The following TM9SF3 variants were observed in gnomAD, a reference collection of about 807,000 sequenced individuals.
The protein encoded by TM9SF3 is SM-11044-binding protein.
Under a neutral mutation model 78.6 loss-of-function variants are expected in TM9SF3, and 14 were observed. The ratio of observed to expected loss-of-function variants is 0.18; its 90% CI spans 0.12 to 0.28. The LOEUF is 0.28. Among genes scored for constraint, TM9SF3 ranks in the 10% least tolerant of loss-of-function variants. TM9SF3 has a pLI of 1.00. For synonymous variants in TM9SF3, 231 were observed against 241.7 expected, an observed-to-expected ratio of 0.96 and a Z score of 0.41; for missense variants, 496 against 721.9, an observed-to-expected ratio of 0.69 and a Z score of 3.59.
intron 4 of TM9SF3, chr10:96,560,036 A>G (rs1332629244): frequency 1.7e-6 from 1 of 574,014 alleles, no homozygotes; most frequent in African/African-American, 1.9e-5. Flanking sequence ...CTGAATTAGT[A>G]TAAGCTCATA....
At chr10:96,561,956 A>T (rs1848313138) in intron 4 of TM9SF3, 22 bp downstream of exon 4, 7 of 1,594,216 alleles carry the variant, frequency 4.4e-6, no homozygotes, top group Non-Finnish European at 6.0e-6. Context: ...TACTTCCTAC[A>T]TTAAACTATT....
chr10:96,527,367 C>G, intron 13 of TM9SF3, 46 bp downstream of exon 13: 3 of 1,588,902 alleles, frequency 1.9e-6, no homozygotes, highest in Middle Eastern at 1.7e-4. Context: ...ATTTAAAGGA[C>G]AAATTTAGTT....
rs573818317 is a variant in TM9SF3 at position 96,586,726 on chromosome 10, C to T, written c.102+8G>A. ...CCCGGGGCGGCCGCGCCGGCCGGGG[C>T]GCCTCACCGTGTGTTCGTGCTCGTC... On this transcript the variant is annotated splice_region_variant and intron_variant, in intron 1 of 14. Transcript: ENST00000371142. 80 of 1,226,072 alleles carry T rather than the reference C, an allele frequency of 6.5e-5. No individual in the cohort carries two copies. The African/African-American group carries it at 1.2e-3, about 18-fold the overall frequency. The allele number at this position is 1,226,072 out of a possible 1,614,324, so 75.9% of individuals were successfully genotyped here. A position where few individuals can be genotyped will look rare whatever the true frequency, so the allele number is the denominator to read the frequency against.
Position 96,544,151 on chromosome 10 carries a change from C to T in TM9SF3, c.1110G>A (p.Val370=), listed in dbSNP as rs781765323. The part of the protein sequence containing the change: ...FIGAFLIPAM[V]CGTAFFINFI... ...AATTGATGAAGAAGGCAGTGCCACA[C>T]ACCATAGCTGGGATAAGGAATGCCC... Residue 370 remains valine, a synonymous_variant, in exon 9 of 15, where the codon GTG becomes GTA. Transcript: ENST00000371142. 7 of 1,613,258 alleles carry T rather than the reference C, an allele frequency of 4.3e-6. No individual in the cohort carries two copies. The highest frequency in any genetic ancestry group is 5.9e-6 in the Non-Finnish European group (7 of 1,179,616).
chr10:96,522,185 C>A lies in TM9SF3; in HGVS notation c.*78G>T. ...GTGTTAAAGCCCAAATCTCTTCTTG[C>A]GTTTGTTTGTTTTTGCTGTGCAAGT... On this transcript the variant is annotated 3_prime_UTR_variant, in exon 15 of 15. Coordinates refer to ENST00000371142, the MANE Select transcript of TM9SF3 (RefSeq NM_020123.4). The A allele has an allele frequency of 8.1e-7, 1 of 1,241,020 alleles. No homozygotes were observed. Among genetic ancestry groups the A allele is most frequent in the Non-Finnish European group, 1.1e-6 (1 of 873,532 alleles). The allele number at this position is 1,241,020 out of a possible 1,614,324, so 76.9% of individuals were successfully genotyped here. A position where few individuals can be genotyped will look rare whatever the true frequency, so the allele number is the denominator to read the frequency against.
chr10:96,576,485 C>T, intron 2 of TM9SF3, 149 bp downstream of exon 2: 1 of 655,908 alleles, frequency 1.5e-6, no homozygotes, highest in Non-Finnish European at 2.3e-6. Context: ...CTGGGGGGTA[C>T]AGGCCAGGGA....
intron 14 of TM9SF3, among the ~76,000 whole-genome samples, chr10:96,523,170 G>A (rs758816010): frequency 5.9e-5 from 9 of 151,800 alleles, no homozygotes; most frequent in Non-Finnish European, 1.2e-4. Flanking sequence ...CCTACTAAGG[G>A]CTCTTTAGGA....
chr10:96,576,868 A>AC (rs1848503212), intron 1 of TM9SF3, 39 bp from the exon 2 acceptor site: 7 of 1,394,910 alleles, frequency 5.0e-6, no homozygotes, highest in African/African-American at 1.5e-5. Context: ...AAAAAAAAAA[A>AC]CACACTAATT....
At chr10:96,573,877 G>A (rs1331267480) in intron 2 of TM9SF3, among the ~76,000 whole-genome samples, 1 of 152,142 alleles carries the variant, frequency 6.6e-6, no homozygotes, top group East Asian at 1.9e-4. Context: ...GCCATATGCA[G>A]AAAACTGAAG....
intron 5 of TM9SF3, among the ~76,000 whole-genome samples, chr10:96,553,405 T>C (rs1440619521): frequency 6.6e-6 from 1 of 152,162 alleles, no homozygotes; most frequent in Non-Finnish European, 1.5e-5. Context: ...ACATTGCCAG[T>C]TTCTGACTAT....
intron 2 of TM9SF3, among the ~76,000 whole-genome samples, chr10:96,575,482 T>G (rs1443918751): frequency 6.6e-6 from 1 of 151,866 alleles, no homozygotes; most frequent in Non-Finnish European, 1.5e-5. Flanking sequence ...GGGGGGAGAA[T>G]GTAAATAGAT....
chr10:96,552,859 C>T (rs959485708), intron 6 of TM9SF3, 69 bp downstream of exon 6: 7 of 1,338,960 alleles, frequency 5.2e-6, no homozygotes, highest in African/African-American at 4.5e-5. Context: ...TTATGACCTA[C>T]CTCCCAACAT....
intron 1 of TM9SF3, among the ~76,000 whole-genome samples, chr10:96,580,790 G>C (rs148784046): frequency 0.014 from 2,070 of 152,118 alleles, 34 homozygotes; most frequent in African/African-American, 0.044. Context: ...ATAGTTCTAA[G>C]GTCTTTATAT....
At chr10:96,547,118 G>T (rs966779815) in intron 8 of TM9SF3, among the ~76,000 whole-genome samples, 6 of 152,188 alleles carry the variant, frequency 3.9e-5, no homozygotes, top group Non-Finnish European at 7.4e-5. Context: ...AGTGCTCTTA[G>T]CAAGAGACTG....
intron 9 of TM9SF3, among the ~76,000 whole-genome samples, chr10:96,534,881 T>C (rs959801187): frequency 4.6e-5 from 7 of 152,214 alleles, no homozygotes; most frequent in African/African-American, 1.4e-4. Flanking sequence ...TTCTCCTGCT[T>C]ATCTCTGTGT....
intron 1 of TM9SF3, among the ~76,000 whole-genome samples, chr10:96,578,409 T>C (rs559181990): frequency 3.9e-4 from 60 of 152,360 alleles, no homozygotes; most frequent in Non-Finnish European, 6.5e-4. Flanking sequence ...AATAAAGGGC[T>C]ATTGTAGCAA....
intron 9 of TM9SF3, among the ~76,000 whole-genome samples, chr10:96,536,608 A>G (rs1325783765): frequency 6.6e-6 from 1 of 152,176 alleles, no homozygotes; most frequent in African/African-American, 2.4e-5. Flanking sequence ...AATAGGGTGT[A>G]AACTGTTCAA....
At chr10:96,525,128 G>A (rs964799504) in intron 14 of TM9SF3, among the ~76,000 whole-genome samples, 11 of 151,950 alleles carry the variant, frequency 7.2e-5, no homozygotes, top group African/African-American at 2.4e-4. Flanking sequence ...CTGCATAATC[G>A]ATTCTATACC....
intron 1 of TM9SF3, among the ~76,000 whole-genome samples, chr10:96,578,486 T>C (rs1848522982): frequency 6.6e-6 from 1 of 152,246 alleles, no homozygotes; most frequent in African/African-American, 2.4e-5. Flanking sequence ...TGGAAAATCA[T>C]AAGCTGTTTC....
Sources: gnomAD v4.1 joint callset for allele counts (sites outside exome capture counted in the v4.1 genomes callset) on GRCh38, gnomAD v4.1.1 for gene constraint, MANE v1.5 for transcripts, NCBI Gene and HGNC (gene_info 2026-07-23, HGNC 2026-07-21) for gene names.